EML6: variants seen among roughly 807,000 people sequenced by gnomAD.
EML6 encodes the protein EMAP like 6.
Under a neutral mutation model 240.1 loss-of-function variants are expected in EML6, and 154 were observed. The observed-to-expected ratio is 0.64, with a 90% CI of 0.56 to 0.73. The LOEUF is 0.73. EML6 is among the 30% of genes least tolerant of loss of function. The pLI, the probability that EML6 is intolerant of heterozygous loss-of-function variation, is 0.00. For synonymous variants in EML6, 1,148 were observed against 899.0 expected (o/e 1.28, Z -4.95); for missense variants, 2,964 against 2,474.6 (o/e 1.20, Z -4.20).
At chr2:54,926,256 C>T (rs886188935) in intron 26 of EML6, among the ~76,000 whole-genome samples, 1 of 152,238 alleles carries the variant, frequency 6.6e-6, no homozygotes, top group African/African-American at 2.4e-5. Flanking sequence ...CATCCACCAC[C>T]ATGCCCAGCT....
intron 38 of EML6, among the ~76,000 whole-genome samples, chr2:54,965,678 T>C (rs1676717754): frequency 6.6e-6 from 1 of 151,824 alleles, no homozygotes; most frequent in African/African-American, 2.4e-5. Context: ...ACTTCCTGGG[T>C]GGGGGCCACA....
chr2:54,908,283 C>T (rs958612522), intron 24 of EML6, among the ~76,000 whole-genome samples: 2 of 150,056 alleles, frequency 1.3e-5, no homozygotes, highest in African/African-American at 2.5e-5. Flanking sequence ...AATCTCAGAT[C>T]ACTGCAATCT....
intron 36 of EML6, 66 bp from the exon 37 acceptor site, chr2:54,963,919 AG>A (rs1676636483): frequency 2.8e-6 from 4 of 1,441,954 alleles, no homozygotes; most frequent in Non-Finnish European, 3.7e-6. Context: ...GGCCTGGTGC[AG>A]AATGTCTCCT....
chr2:54,910,704 ATTC>A (rs1271461287), intron 24 of EML6, among the ~76,000 whole-genome samples: 1 of 152,186 alleles, frequency 6.6e-6, no homozygotes, highest in Non-Finnish European at 1.5e-5. Context: ...ATCAAGCTTT[ATTC>A]TTCTGTTATT....
intron 5 of EML6, among the ~76,000 whole-genome samples, chr2:54,823,124 C>G (rs771196913): frequency 6.6e-6 from 1 of 152,186 alleles, no homozygotes; most frequent in Non-Finnish European, 1.5e-5. Flanking sequence ...ACGCCACTTT[C>G]AATTTGCTTG....
Position 54,859,470 on chromosome 2 carries a change from G to T in EML6, c.1658-64G>T. On this transcript the variant is annotated intron_variant, in intron 11 of 41. Transcript: ENST00000356458. ...ACTCTTCAACATGAACAGAAGGGGG[G>T]TTGTTTTAAACTAATGAACTCTTCT... is the stretch of plus-strand genomic sequence containing the variant. The T allele has an allele frequency of 3.9e-6, 5 of 1,273,022 alleles. No homozygotes were observed. In the South Asian group the frequency reaches 5.5e-5, roughly 14 times the overall value. 78.9% of individuals were successfully genotyped at this position (1,273,022 alleles called of 1,614,324 possible).
intron 28 of EML6, among the ~76,000 whole-genome samples, chr2:54,937,183 C>T (rs1452673362): frequency 6.6e-6 from 1 of 151,380 alleles, no homozygotes; most frequent in African/African-American, 2.4e-5. Flanking sequence ...GAGGCTGAGG[C>T]AGGAGAATTG....
intron 2 of EML6, among the ~76,000 whole-genome samples, chr2:54,795,589 CAAGGAGCATA>C (rs1338753376): frequency 5.9e-5 from 9 of 152,150 alleles, no homozygotes; most frequent in African/African-American, 2.4e-5. Context: ...CCACTGCCAG[CAAGGAGCATA>C]TGCCCCCAGG....
intron 8 of EML6, among the ~76,000 whole-genome samples, chr2:54,844,867 T>C (rs1669665280): frequency 6.6e-6 from 1 of 152,210 alleles, no homozygotes. Context: ...CCAGTATTTT[T>C]GTACCTATTA....
At chr2:54,746,970 C>CTA (rs1683942936) in intron 2 of EML6, 1 of 152,210 alleles carries the variant, frequency 6.6e-6, no homozygotes, top group African/African-American at 2.4e-5. Flanking sequence ...TACTGAATGT[C>CTA]TAACTTACTT....
At chr2:54,847,188 G>C (rs1341715338) in intron 8 of EML6, among the ~76,000 whole-genome samples, 1 of 152,110 alleles carries the variant, frequency 6.6e-6, no homozygotes, top group Non-Finnish European at 1.5e-5. Context: ...GATGACAGGC[G>C]TTGAGCCATC....
chr2:54,885,712 C>T (rs531232385), intron 17 of EML6, among the ~76,000 whole-genome samples: 2 of 152,054 alleles, frequency 1.3e-5, no homozygotes, highest in East Asian at 2.0e-4. Flanking sequence ...CCCAGGTTCA[C>T]GCCATTCTCT....
intron 11 of EML6, among the ~76,000 whole-genome samples, chr2:54,855,458 G>GCCCCC (rs11297060): frequency 2.1e-4 from 26 of 124,094 alleles, no homozygotes; most frequent in Non-Finnish European, 3.2e-4. Context: ...CTTCTACCAT[G>GCCCCC]CCCCCCCCCC....
intron 13 of EML6, among the ~76,000 whole-genome samples, 181 bp downstream of exon 13, chr2:54,864,070 C>T (rs976988921): frequency 6.6e-6 from 1 of 152,142 alleles, no homozygotes; most frequent in African/African-American, 2.4e-5. Flanking sequence ...CCAATCATAC[C>T]ATTAAAATTT....
chr2:54,949,081 T>C lies in EML6; in HGVS notation c.4083+121T>C, dbSNP rs954696650. ...AACGGAGTAGGTCCCTTGGGCTCTC[T>C]TTTGTCCCCTCTCCCTCCTACGTAG... On this transcript the variant is annotated intron_variant, in intron 29 of 41. Transcript: ENST00000356458. 6 of 736,314 alleles carry C rather than the reference T, an allele frequency of 8.1e-6. No homozygotes were observed. The Admixed American group carries it at 1.3e-4, about 16-fold the overall frequency. The allele number at this position is 736,314 out of a possible 1,614,324, so 45.6% of individuals were successfully genotyped here. A position where few individuals can be genotyped will look rare whatever the true frequency, so the allele number is the denominator to read the frequency against.
At chr2:54,888,554 A>G (rs1389734095) in intron 17 of EML6, among the ~76,000 whole-genome samples, 1 of 152,020 alleles carries the variant, frequency 6.6e-6, no homozygotes, top group East Asian at 1.9e-4. Context: ...GCAACCACTA[A>G]TTTTTTACCC....
chr2:54,893,285 T>C (rs999157375), intron 19 of EML6, among the ~76,000 whole-genome samples: 1 of 152,190 alleles, frequency 6.6e-6, no homozygotes, highest in Non-Finnish European at 1.5e-5. Context: ...CTAGGTACTT[T>C]ATAATGAACA....
intron 2 of EML6, among the ~76,000 whole-genome samples, chr2:54,797,177 A>AAAAAAAACAAAAAAAAAAAC (rs1553380377): frequency 7.5e-6 from 1 of 132,688 alleles, no homozygotes; most frequent in Non-Finnish European, 1.6e-5. Context: ...AAAAAAAAAA[A>AAAAAAAACAAAAAAAAAAAC]AAAAAAAAAA....
At chr2:54,862,999 T>C (rs1670764466) in intron 12 of EML6, among the ~76,000 whole-genome samples, 1 of 152,200 alleles carries the variant, frequency 6.6e-6, no homozygotes, top group African/African-American at 2.4e-5. Flanking sequence ...GCTCAAGCAG[T>C]GGTTCACGGT....
Sources: gnomAD v4.1 joint callset for allele counts (sites outside exome capture counted in the v4.1 genomes callset) on GRCh38, gnomAD v4.1.1 for gene constraint, MANE v1.5 for transcripts, NCBI Gene and HGNC (gene_info 2026-07-23, HGNC 2026-07-21) for gene names.